Variants in GRB2 observed in about 807,000 individuals in gnomAD.
GRB2 encodes the protein growth factor receptor-bound protein 2.
Under a neutral mutation model 27.4 loss-of-function variants are expected in GRB2, and 2 were observed. The ratio of observed to expected loss-of-function variants is 0.07; its 90% confidence interval spans 0.03 to 0.23. The LOEUF (loss-of-function observed/expected upper bound fraction) is 0.23, where lower values mean the gene tolerates loss of function less well. Among genes scored for constraint, GRB2 ranks in the 10% least tolerant of loss-of-function variants. The pLI is 1.00. For missense variants in GRB2, 102 were observed against 282.4 expected, an observed-to-expected ratio of 0.36 and a Z score of 4.58; for synonymous variants, 94 against 99.6, an observed-to-expected ratio of 0.94 and a Z score of 0.33.
At chr17:75,343,383 A>G (rs1372966439) in intron 2 of GRB2, among the ~76,000 whole-genome samples, 3 of 152,202 alleles carry the variant, frequency 2.0e-5, no homozygotes, top group Non-Finnish European at 2.9e-5. Flanking sequence ...GCTGATGGAG[A>G]AAAATGATCA....
chr17:75,350,203 C>T (rs1241695556), intron 2 of GRB2, among the ~76,000 whole-genome samples: 1 of 143,486 alleles, frequency 7.0e-6, no homozygotes, highest in Non-Finnish European at 1.5e-5. Flanking sequence ...CACTCTGGCC[C>T]AGGCAATATA....
intron 2 of GRB2, among the ~76,000 whole-genome samples, chr17:75,374,478 C>A: frequency 6.6e-6 from 1 of 151,742 alleles, no homozygotes. Context: ...ACCTGTAATC[C>A]CAGCATTTTG....
chr17:75,389,097 C>A (rs1476692074), intron 2 of GRB2, among the ~76,000 whole-genome samples: 1 of 152,162 alleles, frequency 6.6e-6, no homozygotes, highest in Non-Finnish European at 1.5e-5. Flanking sequence ...CACACACACA[C>A]AATGCTCTTC....
intron 4 of GRB2, 77 bp downstream of exon 4, chr17:75,325,821 A>T: frequency 6.9e-7 from 1 of 1,442,736 alleles, no homozygotes; most frequent in Non-Finnish European, 9.7e-7. Context: ...GTGTGTAGCC[A>T]GGCACCTGAC....
intron 2 of GRB2, among the ~76,000 whole-genome samples, chr17:75,356,332 ATGT>A (rs760956875): frequency 1.1e-4 from 16 of 152,016 alleles, no homozygotes; most frequent in Non-Finnish European, 2.1e-4. Flanking sequence ...CCTAGGCAAC[ATGT>A]TGTGAAACCC....
chr17:75,344,033 A>G (rs1261667846), intron 2 of GRB2, among the ~76,000 whole-genome samples: 1 of 152,226 alleles, frequency 6.6e-6, no homozygotes, highest in Non-Finnish European at 1.5e-5. Flanking sequence ...CAGGTGCATC[A>G]CAGTGTGACG....
At chr17:75,322,051 G>T (rs2078463809) in intron 4 of GRB2, among the ~76,000 whole-genome samples, 1 of 152,116 alleles carries the variant, frequency 6.6e-6, no homozygotes, top group Non-Finnish European at 1.5e-5. Context: ...CAGGCCATCA[G>T]TCATTCTCAT....
intron 2 of GRB2, among the ~76,000 whole-genome samples, chr17:75,335,709 C>CA (rs538937146): frequency 8.5e-4 from 129 of 151,884 alleles, no homozygotes; most frequent in African/African-American, 3.0e-3. Flanking sequence ...AGCAAACTCT[C>CA]AAAAAAAATT....
intron 2 of GRB2, among the ~76,000 whole-genome samples, chr17:75,368,401 T>G (rs923618668): frequency 6.6e-6 from 1 of 151,426 alleles, no homozygotes; most frequent in Non-Finnish European, 1.5e-5. Flanking sequence ...TGTGTGAGTG[T>G]TCTAAGCAGA....
At chr17:75,375,603 C>T (rs1163626123) in intron 2 of GRB2, among the ~76,000 whole-genome samples, 1 of 152,130 alleles carries the variant, frequency 6.6e-6, no homozygotes, top group Admixed American at 6.5e-5. Context: ...AGAAATCAGC[C>T]GGGCACAGTG....
At chr17:75,358,896 A>ATT (rs1200623866) in intron 2 of GRB2, among the ~76,000 whole-genome samples, 48 of 67,864 alleles carry the variant, frequency 7.1e-4, no homozygotes, top group Non-Finnish European at 1.5e-3. Flanking sequence ...AAAAAAAAAA[A>ATT]AATTATATAT....
chr17:75,392,891 A>G (rs1307015412), intron 2 of GRB2, among the ~76,000 whole-genome samples: 1 of 152,218 alleles, frequency 6.6e-6, no homozygotes, highest in East Asian at 1.9e-4. Flanking sequence ...TTAAACTGTC[A>G]GCAGGTTTCT....
intron 2 of GRB2, among the ~76,000 whole-genome samples, chr17:75,356,641 C>T (rs1022682732): frequency 6.6e-6 from 1 of 152,182 alleles, no homozygotes; most frequent in Non-Finnish European, 1.5e-5. Flanking sequence ...TCTGAACCAG[C>T]TTCCAAGCAC....
At chr17:75,397,528 G>T (rs952799067) in intron 1 of GRB2, among the ~76,000 whole-genome samples, 1 of 152,114 alleles carries the variant, frequency 6.6e-6, no homozygotes, top group African/African-American at 2.4e-5. Flanking sequence ...GTATTTGCAA[G>T]ATTTTTTTTC....
At chr17:75,403,825 T>TC (rs1180608406) in intron 1 of GRB2, among the ~76,000 whole-genome samples, 1 of 151,044 alleles carries the variant, frequency 6.6e-6, no homozygotes, top group Non-Finnish European at 1.5e-5. Context: ...TTATAAGAAT[T>TC]AACTCTGGCC....
At chr17:75,322,860 C>T (rs556187147) in intron 4 of GRB2, among the ~76,000 whole-genome samples, 28 of 152,108 alleles carry the variant, frequency 1.8e-4, no homozygotes, top group Non-Finnish European at 4.0e-4. Context: ...TGGCTCATGC[C>T]TGTAATCCCA....
intron 1 of GRB2, among the ~76,000 whole-genome samples, chr17:75,401,877 T>C (rs370090664): frequency 1.6e-4 from 24 of 152,260 alleles, no homozygotes; most frequent in African/African-American, 5.8e-4. Context: ...TTTATTATTA[T>C]AATGTAGTAT....
chr17:75,353,095 G>A (rs1477315496), intron 2 of GRB2, among the ~76,000 whole-genome samples: 3 of 150,228 alleles, frequency 2.0e-5, no homozygotes, highest in Non-Finnish European at 4.4e-5. Context: ...TGAGGCAGGA[G>A]AATGGCGTGA....
At chr17:75,338,399 A>G (rs1021781161) in intron 2 of GRB2, among the ~76,000 whole-genome samples, 1 of 152,202 alleles carries the variant, frequency 6.6e-6, no homozygotes, top group Non-Finnish European at 1.5e-5. Flanking sequence ...CAGACTCCTG[A>G]GCATGAGCAA....
Sources: allele counts gnomAD v4.1 joint callset (sites outside exome capture counted in the v4.1 genomes callset), GRCh38; gene constraint gnomAD v4.1.1; transcripts MANE v1.5; gene names NCBI Gene and HGNC (gene_info 2026-07-23, HGNC 2026-07-21).